The following MCHR2 variants were observed in gnomAD, a reference collection of about 807,000 sequenced individuals.
MCHR2 encodes the protein melanin concentrating hormone receptor 2.
In MCHR2, 15 loss-of-function variants were observed where a neutral mutation model predicts 24.8. The ratio of observed to expected loss-of-function variants is 0.60; its 90% CI spans 0.40 to 0.93. MCHR2 has a LOEUF of 0.93. Among genes scored for constraint, MCHR2 ranks in the 40% least tolerant of loss-of-function variants. The pLI, the probability that MCHR2 is intolerant of heterozygous loss-of-function variation, is 0.00. For synonymous variants in MCHR2, 151 were observed against 147.6 expected (o/e 1.02, Z -0.17); for missense variants, 386 against 408.7 (o/e 0.94, Z 0.48).
chr6:99,962,462 A>C (rs1332409259), intron 1 of MCHR2, among the ~76,000 whole-genome samples: 1 of 152,164 alleles, frequency 6.6e-6, no homozygotes, highest in Non-Finnish European at 1.5e-5. Flanking sequence ...TGGTCAACTG[A>C]TCTTCAACAA....
chr6:99,938,667 A>G (rs921989521), intron 4 of MCHR2, among the ~76,000 whole-genome samples: 2 of 152,076 alleles, frequency 1.3e-5, no homozygotes, highest in African/African-American at 4.8e-5. Flanking sequence ...GCATTCTGCA[A>G]CAGTTGGGTG....
intron 1 of MCHR2, among the ~76,000 whole-genome samples, chr6:99,968,863 C>T (rs531367188): frequency 6.6e-6 from 1 of 152,018 alleles, no homozygotes; most frequent in Non-Finnish European, 1.5e-5. Context: ...AAACAACACA[C>T]TTCCTCATAA....
intron 5 of MCHR2, among the ~76,000 whole-genome samples, chr6:99,930,622 G>A (rs1361701822): frequency 1.3e-5 from 2 of 151,760 alleles, no homozygotes; most frequent in African/African-American, 4.8e-5. Flanking sequence ...TCTTCCAATC[G>A]ATCGCCATCA....
chr6:99,948,989 G>T (rs1774922819), intron 2 of MCHR2, among the ~76,000 whole-genome samples: 1 of 152,130 alleles, frequency 6.6e-6, no homozygotes, highest in Non-Finnish European at 1.5e-5. Context: ...GGGGGTGGGA[G>T]AAGTGAATTC....
intron 1 of MCHR2, among the ~76,000 whole-genome samples, chr6:99,987,825 A>AT (rs1225100072): frequency 6.6e-6 from 1 of 152,186 alleles, no homozygotes; most frequent in Non-Finnish European, 1.5e-5. Flanking sequence ...CTGTTTTAAA[A>AT]TTTTTCATGG....
chr6:99,968,412 G>A lies in MCHR2; in HGVS notation c.-27-12238C>T, dbSNP rs545929127. ...GCTAGAATGACTGGATTTAGATATG[G>A]GGAAACTAGGCTTGGTCTCCTCTCA... On this transcript the variant is annotated intron_variant, in intron 1 of 5. Transcript: ENST00000281806. Among the ~76,000 whole-genome samples, 3 of 152,204 alleles carry A rather than the reference G, an allele frequency of 2.0e-5. No homozygotes were observed. The East Asian group carries it at 5.8e-4, about 29-fold the overall frequency.
rs142921132 is a variant in MCHR2, at chr6:99,944,493, G to A, written c.393-1350C>T. On this transcript the variant is annotated intron_variant, in intron 3 of 5. Transcript: ENST00000281806. ...AATAACAAATTTCCTGTCCTCTTGCGCTTTCAATTTTGCACCAGAAGCAGG... is the reference window on the plus strand; with the variant it reads ...AATAACAAATTTCCTGTCCTCTTGCACTTTCAATTTTGCACCAGAAGCAGG... 2.8e-3 allele frequency among the ~76,000 whole-genome samples: 419 copies of A among 152,176 alleles called. 2 individuals are homozygous for A. The highest frequency in any genetic ancestry group is 9.5e-3 in the African/African-American group (396 of 41,524).
At chr6:99,957,705 T>C (rs1019590113) in intron 1 of MCHR2, among the ~76,000 whole-genome samples, 1 of 151,956 alleles carries the variant, frequency 6.6e-6, no homozygotes, top group Non-Finnish European at 1.5e-5. Flanking sequence ...TATTTCCATA[T>C]ATTTTCTACA....
chr6:99,951,650 G>T (rs1286848437), intron 2 of MCHR2, among the ~76,000 whole-genome samples: 2 of 152,098 alleles, frequency 1.3e-5, no homozygotes, highest in African/African-American at 4.8e-5. Context: ...GCAGCCAAGG[G>T]TATGGGTCAA....
intron 5 of MCHR2, among the ~76,000 whole-genome samples, chr6:99,929,033 T>G (rs1774438837): frequency 6.6e-6 from 1 of 152,212 alleles, no homozygotes; most frequent in Admixed American, 6.5e-5. Flanking sequence ...TTCTGGTATG[T>G]TGTGTCTTTG....
chr6:99,957,270 T>C (rs2114543618), intron 1 of MCHR2, among the ~76,000 whole-genome samples: 1 of 152,268 alleles, frequency 6.6e-6, no homozygotes, highest in Admixed American at 6.5e-5. Flanking sequence ...ATTAAGTGTA[T>C]TTTATCTAGT....
At chr6:99,923,690 A>G (rs1357792669) in intron 5 of MCHR2, among the ~76,000 whole-genome samples, 3 of 152,122 alleles carry the variant, frequency 2.0e-5, no homozygotes, top group South Asian at 4.1e-4. Context: ...GATCATTTAA[A>G]TGATCATTCT....
chr6:99,968,281 T>C lies in MCHR2; in HGVS notation c.-27-12107A>G, dbSNP rs11963028. Among the ~76,000 whole-genome samples the C allele has an allele frequency of 4.9e-4, 75 of 152,276 alleles. 1 individual carries two copies. Among genetic ancestry groups the C allele is most frequent in the African/African-American group, 1.7e-3 (72 of 41,546 alleles). ...TCTACAGGGAATGGGTTTTGAAACA[T>C]AGCACCAGCTTTTAGTTCAAAACAC... is the stretch of plus-strand genomic sequence containing the variant. On this transcript the variant is annotated intron_variant, in intron 1 of 5. Transcript: ENST00000281806.
At position 99,918,875 on chromosome 6, in the gene MCHR2, T is replaced by C. The variant is rs1213755855; in HGVS notation, c.*2065A>G. On this transcript the variant is annotated 3_prime_UTR_variant, in exon 6 of 6. Coordinates refer to ENST00000281806, the MANE Select transcript of MCHR2 (RefSeq NM_001040179.2). The stretch of plus-strand genomic sequence containing the variant: ...GTAAATATAATTTAAAATAATTCAC[T>C]GGCCAATTATTTGAGGACTATTGGG... Among the ~76,000 whole-genome samples the C allele has an allele frequency of 3.9e-5, 6 of 152,218 alleles. No individual in the cohort carries two copies. The highest frequency in any genetic ancestry group is 5.9e-5 in the Non-Finnish European group (4 of 68,038).
chr6:99,948,896 G>C (rs1774921498), intron 2 of MCHR2, among the ~76,000 whole-genome samples: 1 of 152,098 alleles, frequency 6.6e-6, no homozygotes, highest in Non-Finnish European at 1.5e-5. Context: ...TAAAGACCCT[G>C]AGATCCAGAC....
At chr6:99,936,751 T>G (rs1774669039) in intron 4 of MCHR2, among the ~76,000 whole-genome samples, 2 of 151,948 alleles carry the variant, frequency 1.3e-5, no homozygotes, top group Non-Finnish European at 2.9e-5. Context: ...TTGAGAGAGA[T>G]TGCATTGAAT....
chr6:99,993,571 C>A (rs1303999999), intron 1 of MCHR2, among the ~76,000 whole-genome samples: 1 of 152,126 alleles, frequency 6.6e-6, no homozygotes, highest in Non-Finnish European at 1.5e-5. Context: ...CCTCTTTAGT[C>A]CCCATGGAGA....
intron 5 of MCHR2, among the ~76,000 whole-genome samples, chr6:99,931,783 C>G (rs550762779): frequency 6.6e-6 from 1 of 152,168 alleles, no homozygotes; most frequent in Non-Finnish European, 1.5e-5. Context: ...TGACCCCTTG[C>G]GCTTCCCAAG....
At chr6:99,921,343 TA>T in intron 5 of MCHR2, 88 bp from the exon 6 acceptor site, 1 of 1,180,526 alleles carries the variant, frequency 8.5e-7, no homozygotes, top group South Asian at 1.5e-5. Flanking sequence ...GGACAGTTCA[TA>T]ATGGCTTTGT....
Sources: allele counts gnomAD v4.1 joint callset (sites outside exome capture counted in the v4.1 genomes callset), GRCh38; gene constraint gnomAD v4.1.1; transcripts MANE v1.5; gene names NCBI Gene and HGNC (gene_info 2026-07-23, HGNC 2026-07-21).